Variants in RCAN2 observed in about 807,000 individuals in gnomAD.
The protein encoded by RCAN2 is regulator of calcineurin 2, also known as calcipressin-2.
A neutral mutation model predicts 23.6 loss-of-function variants in RCAN2; 9 were observed. The ratio of observed to expected loss-of-function variants is 0.38; its 90% CI spans 0.23 to 0.67. The LOEUF (loss-of-function observed/expected upper bound fraction) is 0.67, where lower values mean the gene tolerates loss of function less well. Among genes scored for constraint, RCAN2 ranks in the 30% least tolerant of loss-of-function variants. The probability of loss-of-function intolerance (pLI) is 0.51; values close to 1 mark genes in which losing one functional copy is unlikely to be tolerated. For missense variants in RCAN2, 273 were observed against 302.3 expected (o/e 0.90, Z 0.72); for synonymous variants, 109 against 115.7 (o/e 0.94, Z 0.37).
At chr6:46,363,695 G>A (rs1054632321) in intron 2 of RCAN2, among the ~76,000 whole-genome samples, 2 of 151,948 alleles carry the variant, frequency 1.3e-5, no homozygotes, top group African/African-American at 4.8e-5. Context: ...TTTGGCATTC[G>A]TTTCTTATCG....
chr6:46,464,752 T>C (rs1226661947), intron 1 of RCAN2, among the ~76,000 whole-genome samples: 1 of 152,164 alleles, frequency 6.6e-6, no homozygotes, highest in Non-Finnish European at 1.5e-5. Flanking sequence ...ACATGCAGTT[T>C]CCAACTCATA....
chr6:46,428,017 C>G (rs1453238715), intron 2 of RCAN2, among the ~76,000 whole-genome samples: 1 of 151,870 alleles, frequency 6.6e-6, no homozygotes, highest in African/African-American at 2.4e-5. Context: ...AAGCTAGGAC[C>G]ACAATTCAGC....
intron 2 of RCAN2, among the ~76,000 whole-genome samples, chr6:46,284,256 T>G (rs1762298240): frequency 6.6e-6 from 1 of 152,134 alleles, no homozygotes; most frequent in South Asian, 2.1e-4. Flanking sequence ...AAGGTGGCTC[T>G]TAGGTTGGAG....
chr6:46,260,967 G>C (rs1009974642), intron 2 of RCAN2, among the ~76,000 whole-genome samples: 1 of 152,008 alleles, frequency 6.6e-6, no homozygotes, highest in Non-Finnish European at 1.5e-5. Context: ...GGATCTGACA[G>C]TCCTTTTATA....
intron 2 of RCAN2, among the ~76,000 whole-genome samples, chr6:46,281,657 C>G (rs533089780): frequency 1.3e-5 from 2 of 152,228 alleles, no homozygotes; most frequent in African/African-American, 4.8e-5. Context: ...GAGAACTGAG[C>G]TAAACATTTT....
chr6:46,449,357 C>T (rs1174875932), intron 2 of RCAN2, among the ~76,000 whole-genome samples: 3 of 151,350 alleles, frequency 2.0e-5, no homozygotes, highest in Admixed American at 6.6e-5. Flanking sequence ...ATTCTATCTT[C>T]AGAGGCTAGA....
chr6:46,489,303 A>C (rs1222011290), intron 1 of RCAN2, among the ~76,000 whole-genome samples: 1 of 152,188 alleles, frequency 6.6e-6, no homozygotes, highest in Admixed American at 6.5e-5. Flanking sequence ...TTAAACACTC[A>C]TGATGTTGAA....
At chr6:46,234,335 C>G (rs764415898) in intron 4 of RCAN2, among the ~76,000 whole-genome samples, 3 of 152,206 alleles carry the variant, frequency 2.0e-5, no homozygotes, top group Non-Finnish European at 2.9e-5. Context: ...TAGCTTTGGT[C>G]TTGTTGGATT....
At chr6:46,401,680 T>C (rs1268011245) in intron 2 of RCAN2, among the ~76,000 whole-genome samples, 2 of 152,194 alleles carry the variant, frequency 1.3e-5, no homozygotes, top group African/African-American at 4.8e-5. Flanking sequence ...TATCCTAACT[T>C]TTCCCTGAAG....
chr6:46,279,345 C>G (rs150965269), intron 2 of RCAN2, among the ~76,000 whole-genome samples: 160 of 152,278 alleles, frequency 1.1e-3, no homozygotes, highest in African/African-American at 3.8e-3. Context: ...GATACACTAG[C>G]AGAATAGTCT....
At chr6:46,476,490 T>C (rs897734803) in intron 1 of RCAN2, among the ~76,000 whole-genome samples, 3 of 152,166 alleles carry the variant, frequency 2.0e-5, no homozygotes, top group South Asian at 2.1e-4. Context: ...ATGAAGGACA[T>C]AGTGGTGAGT....
chr6:46,234,584 A>ACT (rs1174187280), intron 4 of RCAN2, among the ~76,000 whole-genome samples: 2 of 152,008 alleles, frequency 1.3e-5, no homozygotes, highest in African/African-American at 4.8e-5. Context: ...TCACATGCTC[A>ACT]CTCCTCTGCC....
chr6:46,276,164 A>G (rs1046212400), intron 2 of RCAN2, among the ~76,000 whole-genome samples: 9 of 152,154 alleles, frequency 5.9e-5, no homozygotes, highest in Non-Finnish European at 1.3e-4. Flanking sequence ...TGAGTAAGCC[A>G]AGATTGTGCC....
chr6:46,406,066 GC>G (rs1766397099), intron 2 of RCAN2, among the ~76,000 whole-genome samples: 1 of 152,180 alleles, frequency 6.6e-6, no homozygotes, highest in South Asian at 2.1e-4. Context: ...CGAATGCGGG[GC>G]CCGCCAAGCC....
At chr6:46,223,363 A>G in intron 4 of RCAN2, 62 bp from the exon 5 acceptor site, 1 of 1,517,308 alleles carries the variant, frequency 6.6e-7, no homozygotes, top group South Asian at 1.2e-5. Context: ...ATCCTGGAGC[A>G]GGGTCTGCTT....
Position 46,222,026 on chromosome 6 carries a change from T to C in RCAN2, c.*1115A>G, listed in dbSNP as rs1765491976. On this transcript the variant is annotated 3_prime_UTR_variant, in exon 5 of 5. Transcript: ENST00000371374. ...GCTGCTGCATTCTGGGGATTTAGCT[T>C]CATCCCAATAATCTACAACTGACAC... 5.0e-6 allele frequency: 2 copies of C among 398,412 alleles called. No individual in the cohort carries two copies. Among genetic ancestry groups the C allele is most frequent in the Non-Finnish European group, 8.9e-6 (2 of 225,982 alleles). 24.7% of individuals were successfully genotyped at this position (398,412 alleles called of 1,614,324 possible).
chr6:46,427,051 A>T (rs1319687776), intron 2 of RCAN2, among the ~76,000 whole-genome samples: 1 of 152,188 alleles, frequency 6.6e-6, no homozygotes. Flanking sequence ...TGGAAGAAAG[A>T]GTCTTATTAG....
At position 46,284,842 on chromosome 6, in the gene RCAN2, A is replaced by G. The variant is rs114528528; in HGVS notation, c.226-35946T>C. Among the ~76,000 whole-genome samples the G allele has an allele frequency of 5.4e-3, 825 of 152,332 alleles. 13 individuals carry two copies. Among genetic ancestry groups the G allele is most frequent in the African/African-American group, 0.018 (769 of 41,580 alleles). On this transcript the variant is annotated intron_variant, in intron 2 of 4. Coordinates refer to ENST00000371374, the MANE Select transcript of RCAN2 (RefSeq NM_001251974.2). Reference sequence around the variant, plus strand: ...TTGGGAAAAGCAGTATATTACTGCAATCTTCATGAATTATGGGATATGGGA... The same window carrying G: ...TTGGGAAAAGCAGTATATTACTGCAGTCTTCATGAATTATGGGATATGGGA...
At chr6:46,283,654 T>A (rs796581757) in intron 2 of RCAN2, among the ~76,000 whole-genome samples, 1 of 152,214 alleles carries the variant, frequency 6.6e-6, no homozygotes, top group Admixed American at 6.5e-5. Flanking sequence ...CAGGACTGCC[T>A]TGATGGTGGG....
Sources: allele counts gnomAD v4.1 joint callset (sites outside exome capture counted in the v4.1 genomes callset), GRCh38; gene constraint gnomAD v4.1.1; transcripts MANE v1.5; gene names NCBI Gene and HGNC (gene_info 2026-07-23, HGNC 2026-07-21).